MVD: variants seen among roughly 807,000 people sequenced by gnomAD.
MVD encodes mevalonate diphosphate decarboxylase.
MVD carries 52 observed loss-of-function variants against 42.4 expected under a neutral mutation model. That is an observed-to-expected ratio of 1.23 (90% CI 0.98 to 1.55). The LOEUF is 1.55. Ranked by LOEUF, MVD falls within the 40% of genes most tolerant of loss-of-function variation. MVD has a pLI of 0.00. For synonymous variants in MVD, 287 were observed against 243.2 expected, an observed-to-expected ratio of 1.18 and a Z score of -1.68; for missense variants, 663 against 572.1, an observed-to-expected ratio of 1.16 and a Z score of -1.62.
At position 88,652,454 on chromosome 16, in the gene MVD, C is replaced by T; in HGVS notation, c.*71G>A. On this transcript the variant is annotated 3_prime_UTR_variant, in exon 10 of 10. Coordinates refer to ENST00000301012, the MANE Select transcript of MVD (RefSeq NM_002461.3). ...ACATGTCCCAGGAGTCCGGCCAGCC[C>T]ACCACATCCGCTCCCTAGCTCCGGC... The T allele has an allele frequency of 6.6e-7, 1 of 1,505,828 alleles. No individual in the cohort carries two copies. The highest frequency in any genetic ancestry group is 9.0e-7 in the Non-Finnish European group (1 of 1,107,700). The allele number at this position is 1,505,828 out of a possible 1,614,324, so 93.3% of individuals were successfully genotyped here. A position where few individuals can be genotyped will look rare whatever the true frequency, so the allele number is the denominator to read the frequency against.
chr16:88,653,768 C>T (rs888723136), intron 8 of MVD, among the ~76,000 whole-genome samples: 1 of 152,070 alleles, frequency 6.6e-6, no homozygotes, highest in Non-Finnish European at 1.5e-5. Flanking sequence ...CTCAGGGAAG[C>T]GCCCAATTCA....
intron 4 of MVD, chr16:88,656,962 G>A: frequency 2.9e-6 from 1 of 339,974 alleles, no homozygotes; most frequent in South Asian, 2.2e-5. Context: ...CAGAGAGCTG[G>A]GTCCAGCGGG....
chr16:88,658,060 G>T (rs527686536), intron 2 of MVD, 31 bp from the exon 3 acceptor site: 7 of 1,602,370 alleles, frequency 4.4e-6, no homozygotes, highest in Non-Finnish European at 5.1e-6. Context: ...CACCTCAGAG[G>T]CCAGCATTGA....
chr16:88,657,909 G>C lies in MVD; in HGVS notation c.256+6C>G. 10 of 1,612,566 alleles carry C rather than the reference G, an allele frequency of 6.2e-6. No individual in the cohort carries two copies. Among genetic ancestry groups the C allele is most frequent in the South Asian group, 1.1e-5 (1 of 91,046 alleles). ...GAGGGATGGGCTTATGGGGACCCCAGCTCACTCTCCCGCAGGCAGGCCTGC... is the reference window on the plus strand; with the variant it reads ...GAGGGATGGGCTTATGGGGACCCCACCTCACTCTCCCGCAGGCAGGCCTGC... On this transcript the variant is annotated splice_donor_region_variant and intron_variant, in intron 3 of 9. Coordinates refer to ENST00000301012, the MANE Select transcript of MVD (RefSeq NM_002461.3).
intron 7 of MVD, 143 bp from the exon 8 acceptor site, chr16:88,654,950 C>G: frequency 1.1e-6 from 1 of 917,086 alleles, no homozygotes; most frequent in African/African-American, 1.7e-5. Flanking sequence ...GCTGTGACCC[C>G]AAGTGCCTGG....
At chr16:88,652,842 G>A (rs1907661287) in intron 9 of MVD, among the ~76,000 whole-genome samples, 1 of 152,216 alleles carries the variant, frequency 6.6e-6, no homozygotes, top group African/African-American at 2.4e-5. Flanking sequence ...GGGGGACAGA[G>A]AACCACAGAG....
intron 2 of MVD, 94 bp from the exon 3 acceptor site, chr16:88,658,123 C>A: frequency 7.7e-7 from 1 of 1,296,268 alleles, no homozygotes; most frequent in East Asian, 2.3e-5. Flanking sequence ...CATGGCTGCC[C>A]ACTCGAGCAA....
In MVD at chr16:88,652,068, A is replaced by T. The variant is rs941156854; in HGVS notation, c.*457T>A. 9.3e-6 allele frequency: 2 copies of T among 216,196 alleles called. No homozygotes were observed. The highest frequency in any genetic ancestry group is 1.9e-5 in the Non-Finnish European group (2 of 104,628). The allele number at this position is 216,196 out of a possible 1,614,324, so 13.4% of individuals were successfully genotyped here. A position where few individuals can be genotyped will look rare whatever the true frequency, so the allele number is the denominator to read the frequency against. On this transcript the variant is annotated 3_prime_UTR_variant, in exon 10 of 10. Coordinates refer to ENST00000301012, the MANE Select transcript of MVD (RefSeq NM_002461.3). Reference sequence around the variant, plus strand: ...ACACCTGGGCCGGGGGCAGGGTCTCAGCAGAAGCGCCGTGGGCAGCCACCA... The same window carrying T: ...ACACCTGGGCCGGGGGCAGGGTCTCTGCAGAAGCGCCGTGGGCAGCCACCA...
chr16:88,656,052 G>T, intron 5 of MVD, 53 bp downstream of exon 5: 1 of 1,538,280 alleles, frequency 6.5e-7, no homozygotes, highest in South Asian at 1.2e-5. Context: ...CAGCAGCCCT[G>T]ACTAGGGACA....
chr16:88,659,982 A>G (rs1908187764), intron 1 of MVD, among the ~76,000 whole-genome samples: 1 of 151,638 alleles, frequency 6.6e-6, no homozygotes, highest in Admixed American at 6.6e-5. Flanking sequence ...TTCTCAAAAA[A>G]AAAAAAAAAG....
intron 4 of MVD, chr16:88,657,183 G>A: frequency 1.5e-6 from 1 of 667,476 alleles, no homozygotes; most frequent in South Asian, 1.5e-5. Context: ...CTGGCCTACA[G>A]TGCTTCTCCC....
chr16:88,656,048 C>G, intron 5 of MVD, 57 bp downstream of exon 5: 1 of 1,537,306 alleles, frequency 6.5e-7, no homozygotes, highest in East Asian at 2.3e-5. Flanking sequence ...CCGGCAGCAG[C>G]CCTGACTAGG....
chr16:88,661,350 A>G (rs1253761740), intron 1 of MVD, among the ~76,000 whole-genome samples: 2 of 152,140 alleles, frequency 1.3e-5, no homozygotes, highest in African/African-American at 4.8e-5. Flanking sequence ...ATACCTGCAA[A>G]CCACATGTCC....
intron 1 of MVD, among the ~76,000 whole-genome samples, chr16:88,659,691 C>T (rs867885654): frequency 6.6e-6 from 1 of 152,128 alleles, no homozygotes; most frequent in East Asian, 1.9e-4. Flanking sequence ...CCTGGCCGGG[C>T]GCGGTGGCTC....
intron 5 of MVD, 53 bp downstream of exon 5, chr16:88,656,052 G>C: frequency 2.6e-6 from 4 of 1,538,282 alleles, no homozygotes; most frequent in Non-Finnish European, 3.5e-6. Flanking sequence ...CAGCAGCCCT[G>C]ACTAGGGACA....
At position 88,658,709 on chromosome 16, in the gene MVD, C is replaced by A; in HGVS notation, c.82G>T (p.Asp28Tyr). ...IAVIKYWGKR[D>Y]EELVLPINSS... is the part of the protein sequence containing the mutation. Reference sequence around the variant, plus strand: ...TTGATGGGCAGAACCAGCTCTTCATCGCGCTTGCCCCCTGTAATGAACAGC... The same window carrying A: ...TTGATGGGCAGAACCAGCTCTTCATAGCGCTTGCCCCCTGTAATGAACAGC... Residue 28 changes from aspartate (D) to tyrosine (Y), a missense_variant, in exon 2 of 10, where the codon GAT (aspartate) becomes TAT (tyrosine). Coordinates refer to ENST00000301012, the MANE Select transcript of MVD (RefSeq NM_002461.3). 1.2e-6 allele frequency: 2 copies of A among 1,612,510 alleles called. No homozygotes were observed. Among genetic ancestry groups the A allele is most frequent in the South Asian group, 1.1e-5 (1 of 90,708 alleles).
At chr16:88,653,455 G>C in intron 8 of MVD, 47 bp from the exon 9 acceptor site, 2 of 1,515,404 alleles carry the variant, frequency 1.3e-6, no homozygotes, top group South Asian at 2.4e-5. Context: ...GTTTCTCTAA[G>C]CGTCTACAAC....
rs746373755 is a variant in MVD at position 88,655,326 on chromosome 16, A to T, written c.770T>A (p.Met257Lys). The T allele has an allele frequency of 5.6e-6, 9 of 1,601,322 alleles. No homozygotes were observed. In the Admixed American group the frequency reaches 1.2e-4, roughly 21 times the overall value. ...RDFPSFAQLT[M>K]KDSNQFHATC... ...GGCGTGGAACTGGTTGCTGTCCTTC[A>T]TGGTCAGCTGGGCGAAGCTGGGGAA... The change falls in exon 7 of 10, where the codon ATG becomes AAG. Residue 257 changes from methionine (M) to lysine (K), a missense_variant. By Grantham distance (95) the Met-to-Lys change is moderately conservative. Coordinates refer to ENST00000301012, the MANE Select transcript of MVD (RefSeq NM_002461.3).
chr16:88,656,216 A>G lies in MVD; in HGVS notation c.492T>C (p.Tyr164=). ...CCATCTGCCACTCCACAAAGCCCCC[A>G]TACAGGCTCCGGCAGGCGCTGCCTG... The part of the protein sequence containing the change: ...RGSGSACRSL[Y]GGFVEWQMGE... Residue 164 remains tyrosine, a synonymous_variant, in exon 5 of 10, where the codon TAT becomes TAC. Transcript: ENST00000301012. 2 of 1,601,074 alleles carry G rather than the reference A, an allele frequency of 1.2e-6. No individual in the cohort carries two copies. Among genetic ancestry groups the G allele is most frequent in the African/African-American group, 1.3e-5 (1 of 75,030 alleles).
Sources: gnomAD v4.1 joint callset for allele counts (sites outside exome capture counted in the v4.1 genomes callset) on GRCh38, gnomAD v4.1.1 for gene constraint, MANE v1.5 for transcripts, NCBI Gene and HGNC (gene_info 2026-07-23, HGNC 2026-07-21) for gene names.